The following BMP2K variants were observed in gnomAD, a reference collection of about 807,000 sequenced individuals.
The protein encoded by BMP2K is BMP2 inducible kinase.
Under a neutral mutation model 116.0 loss-of-function variants are expected in BMP2K, and 74 were observed. That is an observed-to-expected ratio of 0.64 (90% CI 0.53 to 0.77). The LOEUF is 0.77. BMP2K is among the 30% of genes least tolerant of loss of function. BMP2K has a pLI of 0.00. For synonymous variants in BMP2K, 486 were observed against 502.5 expected (o/e 0.97, Z 0.44); for missense variants, 1,365 against 1,403.6 (o/e 0.97, Z 0.44).
chr4:78,785,769 C>T (rs1460216736), intron 1 of BMP2K, among the ~76,000 whole-genome samples: 1 of 152,132 alleles, frequency 6.6e-6, no homozygotes, highest in Non-Finnish European at 1.5e-5. Flanking sequence ...ATGCTGTCAG[C>T]CCTAATTTGG....
At chr4:78,866,990 A>C (rs1450132115) in intron 10 of BMP2K, among the ~76,000 whole-genome samples, 5 of 151,954 alleles carry the variant, frequency 3.3e-5, no homozygotes, top group African/African-American at 7.3e-5. Flanking sequence ...GGCAGGTCGA[A>C]TTGCTTGAGG....
intron 13 of BMP2K, among the ~76,000 whole-genome samples, chr4:78,878,021 C>T (rs1732713275): frequency 7.2e-5 from 11 of 152,122 alleles, no homozygotes; most frequent in Admixed American, 7.2e-4. Context: ...ATATTCTCAT[C>T]TTCTCTTAAA....
In BMP2K at chr4:78,911,204, C is replaced by G; in HGVS notation, c.2657C>G (p.Pro886Arg). 1 of 1,613,772 alleles carries G rather than the reference C, an allele frequency of 6.2e-7. No homozygotes were observed. The highest frequency in any genetic ancestry group is 8.5e-7 in the Non-Finnish European group (1 of 1,179,794). ...AAGAACCTCCCTCAACACAGGTTTC[C>G]TGCTGCAGGACTGGAGCAGGAGGAA... ...NEKNLPQHRF[P>R]AAGLEQEEFD... Residue 886 changes from proline to arginine, a missense_variant, in exon 16 of 16, where the codon CCT (proline) becomes CGT (arginine). This residue lies in a region of BMP2K where 596 missense variants were observed against 623.2 expected (regional missense o/e 0.96). Coordinates refer to ENST00000502613, the MANE Select transcript of BMP2K (RefSeq NM_198892.2).
intron 1 of BMP2K, among the ~76,000 whole-genome samples, chr4:78,807,042 GGGTTT>G (rs1728857129): frequency 1.3e-5 from 2 of 151,856 alleles, no homozygotes; most frequent in Admixed American, 1.3e-4. Context: ...AGTAGAGATG[GGGTTT>G]AGCCATGTTG....
chr4:78,788,049 T>G (rs1727810630), intron 1 of BMP2K, among the ~76,000 whole-genome samples: 1 of 152,124 alleles, frequency 6.6e-6, no homozygotes. Context: ...ACTACTAAAG[T>G]AATTTTTTTT....
rs1377048341 is a variant in BMP2K at position 78,914,478 on chromosome 4, T to A, written c.*2445T>A. The A allele has an allele frequency of 2.6e-5, 4 of 151,984 alleles. No individual in the cohort carries two copies. Among genetic ancestry groups the A allele is most frequent in the Admixed American group, 2.6e-4 (4 of 15,228 alleles). The allele number at this position is 151,984 out of a possible 1,614,324, so 9.4% of individuals were successfully genotyped here. ...GGCATTTTCCTAAGGAGTATAGATT[T>A]ATACTTTGCATTTTCATTCATCATC... On this transcript the variant is annotated 3_prime_UTR_variant, in exon 16 of 16. Transcript: ENST00000502613.
chr4:78,787,237 T>C (rs1172464052), intron 1 of BMP2K, among the ~76,000 whole-genome samples: 1 of 152,232 alleles, frequency 6.6e-6, no homozygotes, highest in Non-Finnish European at 1.5e-5. Flanking sequence ...GAAGGCTGAC[T>C]CTGTTTTTGA....
intron 1 of BMP2K, among the ~76,000 whole-genome samples, chr4:78,801,866 T>G (rs1446295005): frequency 6.6e-6 from 1 of 152,196 alleles, no homozygotes; most frequent in Non-Finnish European, 1.5e-5. Flanking sequence ...TATCGTCACT[T>G]TTTAAAAAAT....
At chr4:78,859,530 G>A (rs1486371768) in intron 7 of BMP2K, 54 bp from the exon 8 acceptor site, 1 of 1,156,002 alleles carries the variant, frequency 8.7e-7, no homozygotes, top group Non-Finnish European at 1.3e-6. Flanking sequence ...GTGCCCCTAA[G>A]TAGTATAATG....
intron 11 of BMP2K, 81 bp from the exon 12 acceptor site, chr4:78,871,769 T>C: frequency 1.2e-6 from 1 of 839,402 alleles, no homozygotes. Context: ...TCTCAAATCA[T>C]TATGGTAAGA....
intron 1 of BMP2K, among the ~76,000 whole-genome samples, chr4:78,825,563 A>C (rs1729828473): frequency 6.6e-6 from 1 of 152,196 alleles, no homozygotes; most frequent in Admixed American, 6.5e-5. Context: ...TGATAAGGGG[A>C]AATGAGATTC....
intron 1 of BMP2K, among the ~76,000 whole-genome samples, chr4:78,820,531 T>C (rs1396193816): frequency 2.6e-5 from 4 of 152,172 alleles, no homozygotes. Context: ...ATTTTCTCTT[T>C]TCTTTTTCTG....
intron 9 of BMP2K, among the ~76,000 whole-genome samples, chr4:78,862,329 T>C (rs1448729228): frequency 6.6e-6 from 1 of 151,892 alleles, no homozygotes; most frequent in Non-Finnish European, 1.5e-5. Flanking sequence ...TTTGAGAGTG[T>C]GGAGGAGGGG....
chr4:78,835,813 A>G (rs1367486331), intron 3 of BMP2K, among the ~76,000 whole-genome samples: 1 of 152,136 alleles, frequency 6.6e-6, no homozygotes, highest in East Asian at 1.9e-4. Context: ...TCTTAAGGGT[A>G]CAAAAGAGAA....
At position 78,857,555 on chromosome 4, in the gene BMP2K, C is replaced by T. The variant is rs376815855; in HGVS notation, c.884-2029C>T. Among the ~76,000 whole-genome samples the T allele has an allele frequency of 5.9e-5, 9 of 152,158 alleles. No individual in the cohort carries two copies. The South Asian group carries it at 1.9e-3, about 32-fold the overall frequency. On this transcript the variant is annotated intron_variant, in intron 7 of 15. Coordinates refer to ENST00000502613, the MANE Select transcript of BMP2K (RefSeq NM_198892.2). ...GAATGCCTGAACTATCATTTAATTC[C>T]TCTCTGAATACTTAAAAAGTTTTTC...
chr4:78,802,759 G>C (rs1274039940), intron 1 of BMP2K, among the ~76,000 whole-genome samples: 3 of 151,746 alleles, frequency 2.0e-5, no homozygotes, highest in Admixed American at 2.0e-4. Flanking sequence ...CTCTGTTTTT[G>C]AGCTTGCTCT....
Position 78,895,161 on chromosome 4 carries a change from C to G in BMP2K, c.2062+7877C>G, listed in dbSNP as rs1733636819. 2.6e-5 allele frequency among the ~76,000 whole-genome samples: 4 copies of G among 152,148 alleles called. No individual in the cohort carries two copies. In the South Asian group the frequency reaches 8.3e-4, roughly 32 times the overall value. On this transcript the variant is annotated intron_variant, in intron 15 of 15. Coordinates refer to ENST00000502613, the MANE Select transcript of BMP2K (RefSeq NM_198892.2). ...ATGTGACATAGAGACACAAAGTAATCACATGCTTTTAAAAAAATGGCAGTG... is the reference window on the plus strand; with the variant it reads ...ATGTGACATAGAGACACAAAGTAATGACATGCTTTTAAAAAAATGGCAGTG...
At chr4:78,885,986 T>G (rs779701133) in intron 14 of BMP2K, among the ~76,000 whole-genome samples, 28 of 152,174 alleles carry the variant, frequency 1.8e-4, no homozygotes, top group Non-Finnish European at 4.1e-4. Flanking sequence ...TGTTATTGAC[T>G]GTTATAGAAT....
At chr4:78,864,648 G>A (rs1240161047) in intron 9 of BMP2K, among the ~76,000 whole-genome samples, 1 of 151,674 alleles carries the variant, frequency 6.6e-6, no homozygotes, top group Non-Finnish European at 1.5e-5. Flanking sequence ...CTGGATCTGT[G>A]CACTTGTTGA....
Sources: gnomAD v4.1 joint callset for allele counts (sites outside exome capture counted in the v4.1 genomes callset) on GRCh38, gnomAD v4.1.1 for gene constraint, gnomAD v4.1.1 regional missense constraint, MANE v1.5 for transcripts, NCBI Gene and HGNC (gene_info 2026-07-23, HGNC 2026-07-21) for gene names.